The following ZDHHC14 variants were observed in gnomAD, a reference collection of about 807,000 sequenced individuals.
ZDHHC14 encodes zDHHC palmitoyltransferase 14, also known as palmitoyltransferase ZDHHC14.
A neutral mutation model predicts 47.7 loss-of-function variants in ZDHHC14; 16 were observed. The observed-to-expected ratio is 0.34, with a 90% CI of 0.23 to 0.51. The LOEUF (loss-of-function observed/expected upper bound fraction) is 0.51, where lower values mean the gene tolerates loss of function less well. Ranked by LOEUF, ZDHHC14 falls within the 20% of genes least tolerant of loss-of-function variation. ZDHHC14 has a pLI of 0.97. For synonymous variants in ZDHHC14, 293 were observed against 278.9 expected (o/e 1.05, Z -0.50); for missense variants, 515 against 662.5 (o/e 0.78, Z 2.44).
chr6:157,585,307 G>A (rs771903722), intron 2 of ZDHHC14, among the ~76,000 whole-genome samples: 5 of 151,554 alleles, frequency 3.3e-5, no homozygotes, highest in Non-Finnish European at 7.4e-5. Context: ...ACTAGCTATT[G>A]CAAATGCCTA....
intron 1 of ZDHHC14, among the ~76,000 whole-genome samples, chr6:157,455,198 G>A (rs1175464492): frequency 6.6e-6 from 1 of 152,216 alleles, no homozygotes; most frequent in Non-Finnish European, 1.5e-5. Flanking sequence ...TTCCCAGTCT[G>A]CATGGGCAGG....
At chr6:157,442,836 AT>A (rs1395017745) in intron 1 of ZDHHC14, among the ~76,000 whole-genome samples, 1 of 152,112 alleles carries the variant, frequency 6.6e-6, no homozygotes, top group African/African-American at 2.4e-5. Flanking sequence ...GGTGGATTTT[AT>A]TTTTTAAATA....
At chr6:157,599,690 G>A (rs1481241172) in intron 3 of ZDHHC14, among the ~76,000 whole-genome samples, 1 of 152,202 alleles carries the variant, frequency 6.6e-6, no homozygotes, top group Non-Finnish European at 1.5e-5. Flanking sequence ...TCTCCAGAAG[G>A]CAGAAAAAGA....
At chr6:157,645,271 A>G (rs1430392262) in intron 5 of ZDHHC14, among the ~76,000 whole-genome samples, 4 of 152,238 alleles carry the variant, frequency 2.6e-5, no homozygotes, top group Admixed American at 6.5e-5. Context: ...GCCTGTTGGC[A>G]CTGCAGTCCT....
intron 2 of ZDHHC14, among the ~76,000 whole-genome samples, chr6:157,588,870 T>C (rs949584163): frequency 2.0e-5 from 3 of 152,084 alleles, no homozygotes; most frequent in African/African-American, 7.2e-5. Context: ...TCCCATTCCA[T>C]AGTTGGGACA....
intron 1 of ZDHHC14, among the ~76,000 whole-genome samples, chr6:157,447,725 G>T (rs1223353989): frequency 6.6e-6 from 1 of 152,212 alleles, no homozygotes; most frequent in Non-Finnish European, 1.5e-5. Context: ...AAGCCATTTG[G>T]TTTAAGTTTT....
At chr6:157,613,207 G>A (rs1303852938) in intron 3 of ZDHHC14, among the ~76,000 whole-genome samples, 1 of 152,140 alleles carries the variant, frequency 6.6e-6, no homozygotes, top group Non-Finnish European at 1.5e-5. Context: ...GAATAAAACA[G>A]TAGCTTTCAA....
At chr6:157,475,912 A>G (rs1779469705) in intron 1 of ZDHHC14, among the ~76,000 whole-genome samples, 1 of 152,196 alleles carries the variant, frequency 6.6e-6, no homozygotes, top group Non-Finnish European at 1.5e-5. Flanking sequence ...ACAAATGAAA[A>G]TGGAAGTACA....
intron 1 of ZDHHC14, among the ~76,000 whole-genome samples, chr6:157,387,941 A>G (rs1294776448): frequency 2.6e-5 from 4 of 152,234 alleles, no homozygotes; most frequent in Non-Finnish European, 5.9e-5. Flanking sequence ...TGTCTTGTAG[A>G]ACACATTTGC....
rs1783549487 is a variant in ZDHHC14, at chr6:157,582,388, A to G, written c.407-10600A>G. 6.6e-6 allele frequency among the ~76,000 whole-genome samples: 1 copy of G among 152,112 alleles called. No individual in the cohort carries two copies. The highest frequency in any genetic ancestry group is 2.4e-5 in the African/African-American group (1 of 41,422). On this transcript the variant is annotated intron_variant, in intron 2 of 8. Coordinates refer to ENST00000359775, the MANE Select transcript of ZDHHC14 (RefSeq NM_024630.3). This position sits in a 1 kb window ranked among gnomAD's most constrained non-coding sequence, Gnocchi z 4.3. ...TGGCTGGTAATGGTCCTTCCTTTCC[A>G]TATTTAGTGCTCTTTTCAGGACCTC... is the stretch of plus-strand genomic sequence containing the variant.
At chr6:157,492,152 C>T (rs1779934599) in intron 1 of ZDHHC14, among the ~76,000 whole-genome samples, 1 of 151,728 alleles carries the variant, frequency 6.6e-6, no homozygotes, top group Non-Finnish European at 1.5e-5. Flanking sequence ...CGGCCTTTTC[C>T]CTTGGCTTCT....
rs536919698 is a variant in ZDHHC14 at position 157,460,090 on chromosome 6, C to T, written c.245+77824C>T. Among the ~76,000 whole-genome samples, 18 of 149,376 alleles carry T rather than the reference C, an allele frequency of 1.2e-4. No individual in the cohort carries two copies. The East Asian group carries it at 3.0e-3, about 25-fold the overall frequency. On this transcript the variant is annotated intron_variant, in intron 1 of 8. Transcript: ENST00000359775. ...AAAAAAAAAAAATAGCCAGGTCTAG[C>T]TACTTGGGGGGCTGAGGCAGGAGAA...
At chr6:157,652,935 A>G (rs896558820) in intron 7 of ZDHHC14, among the ~76,000 whole-genome samples, 1 of 152,158 alleles carries the variant, frequency 6.6e-6, no homozygotes, top group Non-Finnish European at 1.5e-5. Flanking sequence ...GAAGGGGGCT[A>G]GGGGCAAGAG....
At chr6:157,645,671 A>G (rs900610860) in intron 5 of ZDHHC14, 66 bp from the exon 6 acceptor site, 2 of 1,343,558 alleles carry the variant, frequency 1.5e-6, no homozygotes, top group African/African-American at 1.4e-5. Flanking sequence ...TTTCGGTTCC[A>G]GGCCTCCATC....
chr6:157,544,672 A>C (rs899200793), intron 2 of ZDHHC14, among the ~76,000 whole-genome samples: 53 of 92,712 alleles, frequency 5.7e-4, no homozygotes, highest in African/African-American at 3.8e-3. Context: ...CAACAACAAC[A>C]ACCAAAAAAT....
At chr6:157,587,140 C>T (rs377274398) in intron 2 of ZDHHC14, among the ~76,000 whole-genome samples, 3 of 152,280 alleles carry the variant, frequency 2.0e-5, no homozygotes, top group African/African-American at 2.4e-5. Flanking sequence ...TGACTGAGTT[C>T]GTATTTTATA....
chr6:157,554,844 C>T (rs1582932257), intron 2 of ZDHHC14, among the ~76,000 whole-genome samples: 2 of 152,224 alleles, frequency 1.3e-5, no homozygotes, highest in African/African-American at 2.4e-5. Context: ...ATGCCTATGA[C>T]TCTCATCAGC....
chr6:157,591,314 A>G (rs568397964), intron 2 of ZDHHC14, among the ~76,000 whole-genome samples: 1 of 152,084 alleles, frequency 6.6e-6, no homozygotes, highest in Non-Finnish European at 1.5e-5. Context: ...TCTCATCTTG[A>G]GTTGTGGTTC....
intron 5 of ZDHHC14, among the ~76,000 whole-genome samples, chr6:157,644,207 G>A (rs1340975077): frequency 6.6e-6 from 1 of 152,192 alleles, no homozygotes; most frequent in East Asian, 1.9e-4. Flanking sequence ...GAATCCCAGG[G>A]GAGTTGCCTC....
Sources: gnomAD v4.1 joint callset for allele counts (sites outside exome capture counted in the v4.1 genomes callset) on GRCh38, gnomAD v4.1.1 for gene constraint, Gnocchi (gnomAD v3.1) non-coding constraint, MANE v1.5 for transcripts, NCBI Gene and HGNC (gene_info 2026-07-23, HGNC 2026-07-21) for gene names.